Variants in FCAMR observed in about 807,000 individuals in gnomAD.
FCAMR encodes the protein high affinity immunoglobulin alpha and immunoglobulin mu Fc receptor.
Under a neutral mutation model 52.2 loss-of-function variants are expected in FCAMR, and 51 were observed. That is an observed-to-expected ratio of 0.98 (90% CI 0.78 to 1.23). The LOEUF is 1.23. Among genes scored for constraint, FCAMR ranks in the 50% most tolerant of loss-of-function variants. The pLI is 0.00. For synonymous variants in FCAMR, 282 were observed against 262.0 expected, an observed-to-expected ratio of 1.08 and a Z score of -0.74; for missense variants, 719 against 712.6, an observed-to-expected ratio of 1.01 and a Z score of -0.10.
chr1:206,960,548 G>A lies in FCAMR; in HGVS notation c.1328C>T (p.Ser443Phe). ...GTCCCCTGCAGCGCTTCCTTCCCCAGATGCTGCCTCCATGCTGGTCCACAC... is the reference window on the plus strand; with the variant it reads ...GTCCCCTGCAGCGCTTCCTTCCCCAAATGCTGCCTCCATGCTGGTCCACAC... ...ADVWTSMEAA[S>F]GEGSAAGDLD... The change falls in exon 6 of 8, where the codon TCT becomes TTT. Residue 443 changes from serine to phenylalanine, a missense_variant. Coordinates refer to ENST00000324852, the MANE Select transcript of FCAMR (RefSeq NM_001170631.2). The A allele has an allele frequency of 6.4e-7, 1 of 1,551,786 alleles. No individual in the cohort carries two copies.
At chr1:206,962,991 A>C (rs1038037735) in intron 4 of FCAMR, among the ~76,000 whole-genome samples, 7 of 152,162 alleles carry the variant, frequency 4.6e-5, no homozygotes, top group Non-Finnish European at 1.0e-4. Flanking sequence ...ATCTATCATC[A>C]AAAGACAAAA....
At position 206,960,944 on chromosome 1, in the gene FCAMR, C is replaced by G. The variant is rs1007881396; in HGVS notation, c.932G>C (p.Ser311Thr). 16 of 1,552,068 alleles carry G rather than the reference C, an allele frequency of 1.0e-5. No homozygotes were observed. Among genetic ancestry groups the G allele is most frequent in the Non-Finnish European group, 1.4e-5 (16 of 1,147,114 alleles). The change falls in exon 6 of 8, where the codon AGT becomes ACT. Residue 311 changes from serine to threonine, a missense_variant. Coordinates refer to ENST00000324852, the MANE Select transcript of FCAMR (RefSeq NM_001170631.2). Reference protein sequence around the residue: ...SVKAPAPIPESPPSKSRSMSN... With the variant: ...SVKAPAPIPETPPSKSRSMSN... ...CATGCTTCTGCTCTTTGAAGGTGGA[C>G]TCTCTGGAATCGGAGCAGGTGCTTT...
At chr1:206,960,226 T>C in intron 6 of FCAMR, 196 bp downstream of exon 6, 1 of 593,208 alleles carries the variant, frequency 1.7e-6, no homozygotes, top group South Asian at 2.6e-5. Flanking sequence ...TAGATATCAC[T>C]TGAAAACCAC....
Position 206,970,009 on chromosome 1 carries a change from G to A in FCAMR, c.39+78C>T. On this transcript the variant is annotated intron_variant, in intron 1 of 7. Transcript: ENST00000324852. Reference sequence around the variant, plus strand: ...CTCTGGGAAGGGCACTGAGGAGCATGTGTGACAGCTATGGCTGCAGTTCAC... The same window carrying A: ...CTCTGGGAAGGGCACTGAGGAGCATATGTGACAGCTATGGCTGCAGTTCAC... The A allele has an allele frequency of 1.9e-6, 3 of 1,564,644 alleles. No individual in the cohort carries two copies. The East Asian group carries it at 6.7e-5, about 35-fold the overall frequency.
At chr1:206,964,612 C>A (rs1042760393) in intron 4 of FCAMR, among the ~76,000 whole-genome samples, 1 of 151,802 alleles carries the variant, frequency 6.6e-6, no homozygotes, top group African/African-American at 2.4e-5. Flanking sequence ...GTGCTGCTCC[C>A]GTTTTGCCTC....
Position 206,960,939 on chromosome 1 carries a change from G to T in FCAMR, c.937C>A (p.Pro313Thr). Residue 313 changes from proline to threonine, a missense_variant, in exon 6 of 8, where the codon CCT (proline) becomes ACT (threonine). Pro to Thr is a conservative substitution (Grantham distance 38). Transcript: ENST00000324852. The stretch of plus-strand genomic sequence containing the variant: ...TTGGACATGCTTCTGCTCTTTGAAG[G>T]TGGACTCTCTGGAATCGGAGCAGGT... Reference protein sequence around the residue: ...KAPAPIPESPPSKSRSMSNTT... With the variant: ...KAPAPIPESPTSKSRSMSNTT... The T allele has an allele frequency of 6.4e-7, 1 of 1,552,222 alleles. No individual in the cohort carries two copies. Among genetic ancestry groups the T allele is most frequent in the South Asian group, 1.2e-5 (1 of 84,064 alleles).
rs757044979 is a variant in FCAMR at position 206,958,668 on chromosome 1, C to T, written c.1582G>A (p.Ala528Thr). Residue 528 changes from alanine (A) to threonine (T), a missense_variant, in exon 8 of 8, where the codon GCA (alanine) becomes ACA (threonine). Physicochemically the swap from Ala to Thr is moderately conservative, Grantham distance 58 (BLOSUM62 0). Coordinates refer to ENST00000324852, the MANE Select transcript of FCAMR (RefSeq NM_001170631.2). ...KLWRRRTSQE[A>T]ERVTLIQMTH... ...ATCTGAATTAAGGTGACCCTTTCTG[C>T]CTCCTGAGCTGCAGAGACACAGAGC... 15 of 1,614,034 alleles carry T rather than the reference C, an allele frequency of 9.3e-6. No individual in the cohort carries two copies. Among genetic ancestry groups the T allele is most frequent in the East Asian group, 2.2e-5 (1 of 44,884 alleles).
intron 3 of FCAMR, 152 bp downstream of exon 3, chr1:206,966,900 T>A (rs1233028639): frequency 4.4e-6 from 3 of 681,186 alleles, no homozygotes; most frequent in African/African-American, 3.6e-5. Flanking sequence ...GAATAAAATC[T>A]ACTACAGCAT....
At position 206,970,138 on chromosome 1, in the gene FCAMR, A is replaced by G. The variant is rs1182959395; in HGVS notation, c.-13T>C. The G allele has an allele frequency of 1.2e-6, 2 of 1,613,826 alleles. No individual in the cohort carries two copies. Among genetic ancestry groups the G allele is most frequent in the Non-Finnish European group, 1.7e-6 (2 of 1,179,920 alleles). ...CCTCTCCATCCATCTCAGTCCAGAAACAAGATCCAGGTGGACTTTTCTTCT... is the reference window on the plus strand; with the variant it reads ...CCTCTCCATCCATCTCAGTCCAGAAGCAAGATCCAGGTGGACTTTTCTTCT... On this transcript the variant is annotated 5_prime_UTR_variant, in exon 1 of 8. Coordinates refer to ENST00000324852, the MANE Select transcript of FCAMR (RefSeq NM_001170631.2).
At chr1:206,967,542 G>A in intron 2 of FCAMR, 41 bp downstream of exon 2, 1 of 1,586,152 alleles carries the variant, frequency 6.3e-7, no homozygotes, top group Non-Finnish European at 8.7e-7. Context: ...CTTTTCAGGA[G>A]AATGAAGGAA....
At position 206,965,810 on chromosome 1, in the gene FCAMR, C is replaced by T; in HGVS notation, c.218G>A (p.Trp73Ter). The change falls in exon 4 of 8, where the codon TGG (tryptophan) becomes TAG (stop). Residue 73 changes from tryptophan (W) to a stop codon, truncating the protein, a stop_gained. Coordinates refer to ENST00000324852, the MANE Select transcript of FCAMR (RefSeq NM_001170631.2). LOFTEE classifies it high-confidence loss of function. ...PQKRPHPRWL[W>*]EGSLPSRTHL... ...GGTCCTGGAGGGGAGAGAGCCCTCC[C>T]ACAGCCATCTCGGATGGGGTCTTTT... The T allele has an allele frequency of 6.2e-7, 1 of 1,601,554 alleles. No individual in the cohort carries two copies. Among genetic ancestry groups the T allele is most frequent in the Non-Finnish European group, 8.5e-7 (1 of 1,174,688 alleles).
At position 206,959,762 on chromosome 1, in the gene FCAMR, A is replaced by T; in HGVS notation, c.1490T>A (p.Leu497Gln). Residue 497 changes from leucine (L) to glutamine (Q), a missense_variant, in exon 7 of 8, where the codon CTG becomes CAG. Leu to Gln is a moderately radical substitution (Grantham distance 113). Coordinates refer to ENST00000324852, the MANE Select transcript of FCAMR (RefSeq NM_001170631.2). ...GGCCAGCATGGTAGAGACAGGAGCC[A>T]GGGTCCGAGAGCTGCTTTCATCTTC... ...FPEDESSSRT[L>Q]APVSTMLALF... is the part of the protein sequence containing the mutation. 6.2e-7 allele frequency: 1 copy of T among 1,614,188 alleles called. No homozygotes were observed. The highest frequency in any genetic ancestry group is 8.5e-7 in the Non-Finnish European group (1 of 1,180,028).
chr1:206,959,597 A>G, intron 7 of FCAMR, 82 bp downstream of exon 7: 1 of 1,075,570 alleles, frequency 9.3e-7, no homozygotes, highest in Non-Finnish European at 1.4e-6. Context: ...AAGTCCTGGC[A>G]GGACTCTACC....
At chr1:206,960,062 G>C in intron 6 of FCAMR, 1 of 493,426 alleles carries the variant, frequency 2.0e-6, no homozygotes, top group Admixed American at 3.2e-5. Context: ...GACTAGGTGG[G>C]AGCAAGCGAC....
At position 206,970,085 on chromosome 1, in the gene FCAMR, A is replaced by G; in HGVS notation, c.39+2T>C. On this transcript the variant is annotated splice_donor_variant, in intron 1 of 7. Coordinates refer to ENST00000324852, the MANE Select transcript of FCAMR (RefSeq NM_001170631.2). LOFTEE classifies it high-confidence loss of function. ...AACCTCCAGGAGAAAGCATCATTTC[A>G]CCTTTTGTTCTCCAGGCTTCACTGT... The G allele has an allele frequency of 6.2e-7, 1 of 1,613,914 alleles. No homozygotes were observed. The highest frequency in any genetic ancestry group is 8.5e-7 in the Non-Finnish European group (1 of 1,179,958).
In FCAMR at chr1:206,970,111, G is replaced by A. The variant is rs779934013; in HGVS notation, c.15C>T (p.Ala5=). The A allele has an allele frequency of 6.2e-7, 1 of 1,614,038 alleles. No individual in the cohort carries two copies. Among genetic ancestry groups the A allele is most frequent in the South Asian group, 1.1e-5 (1 of 91,068 alleles). Residue 5 remains alanine, a synonymous_variant, in exon 1 of 8, where the codon GCC becomes GCT. Transcript: ENST00000324852. ...CCTTTTGTTCTCCAGGCTTCACTGT[G>A]GCCTCTCCATCCATCTCAGTCCAGA... MDGE[A]TVKPGEQKEV...
At chr1:206,966,417 G>T (rs953136402) in intron 3 of FCAMR, among the ~76,000 whole-genome samples, 1 of 152,100 alleles carries the variant, frequency 6.6e-6, no homozygotes, top group Non-Finnish European at 1.5e-5. Flanking sequence ...ATGGAGTCTC[G>T]CTCTATTGCC....
At position 206,965,805 on chromosome 1, in the gene FCAMR, C is replaced by T; in HGVS notation, c.223G>A (p.Gly75Ser). Reference protein sequence around the residue: ...KRPHPRWLWEGSLPSRTHLRA... With the variant: ...KRPHPRWLWESSLPSRTHLRA... ...AGATGGGTCCTGGAGGGGAGAGAGC[C>T]CTCCCACAGCCATCTCGGATGGGGT... Residue 75 changes from glycine to serine, a missense_variant, in exon 4 of 8, where the codon GGC becomes AGC. Physicochemically the swap from Gly to Ser is moderately conservative, Grantham distance 56. Transcript: ENST00000324852. 16 of 1,597,320 alleles carry T rather than the reference C, an allele frequency of 1.0e-5. No individual in the cohort carries two copies. The highest frequency in any genetic ancestry group is 1.3e-5 in the Non-Finnish European group (15 of 1,173,328).
rs1181043494 is a variant in FCAMR at position 206,958,965 on chromosome 1, A to T, written c.1574-289T>A. ...ACTTTAAGAGTACTTAAACCTGGGC[A>T]TGTTGCTCTCAGAGAATTTTAGCTG... On this transcript the variant is annotated intron_variant, in intron 7 of 7. Coordinates refer to ENST00000324852, the MANE Select transcript of FCAMR (RefSeq NM_001170631.2). 5 of 556,082 alleles carry T rather than the reference A, an allele frequency of 9.0e-6. No homozygotes were observed. In the East Asian group the frequency reaches 2.3e-4, roughly 26 times the overall value. 34.4% of individuals were successfully genotyped at this position (556,082 alleles called of 1,614,324 possible).
Sources: allele counts gnomAD v4.1 joint callset (sites outside exome capture counted in the v4.1 genomes callset), GRCh38; gene constraint gnomAD v4.1.1; transcripts MANE v1.5; gene names NCBI Gene and HGNC (gene_info 2026-07-23, HGNC 2026-07-21).